CACNA1E: variants seen among roughly 807,000 people sequenced by gnomAD.
CACNA1E encodes the protein voltage-dependent R-type calcium channel subunit alpha-1E.
Under a neutral mutation model 259.2 loss-of-function variants are expected in CACNA1E, and 40 were observed. The observed-to-expected ratio is 0.15, with a 90% CI of 0.12 to 0.20. CACNA1E has a LOEUF of 0.20. CACNA1E is among the 10% of genes least tolerant of loss of function. The pLI, the probability that CACNA1E is intolerant of heterozygous loss-of-function variation, is 1.00. For missense variants in CACNA1E, 1,874 were observed against 3,040.1 expected, an observed-to-expected ratio of 0.62 and a Z score of 9.02; for synonymous variants, 1,104 against 1,138.5, an observed-to-expected ratio of 0.97 and a Z score of 0.61.
At chr1:181,471,354 G>C (rs1271855742) in intron 2 of CACNA1E, among the ~76,000 whole-genome samples, 1 of 152,124 alleles carries the variant, frequency 6.6e-6, no homozygotes. Flanking sequence ...GTGTAGTTCT[G>C]TGTGATCTTA....
chr1:181,613,549 G>A (rs944271434), intron 6 of CACNA1E, among the ~76,000 whole-genome samples: 10 of 152,192 alleles, frequency 6.6e-5, no homozygotes, highest in African/African-American at 2.4e-4. Flanking sequence ...TGAGGAGGAG[G>A]AGGTTCTTGT....
chr1:181,386,083 A>T (rs189852757), intron 1 of CACNA1E, among the ~76,000 whole-genome samples: 1 of 152,300 alleles, frequency 6.6e-6, no homozygotes, highest in East Asian at 1.9e-4. Context: ...TCATTCTTTC[A>T]TTTGTAAATC....
At chr1:181,406,910 G>C (rs1657504375) in intron 1 of CACNA1E, among the ~76,000 whole-genome samples, 1 of 152,104 alleles carries the variant, frequency 6.6e-6, no homozygotes, top group East Asian at 1.9e-4. Flanking sequence ...TGTAGGGCAG[G>C]TTATATTATT....
intron 1 of CACNA1E, among the ~76,000 whole-genome samples, chr1:181,498,541 TTC>T (rs1338015692): frequency 6.6e-6 from 1 of 152,206 alleles, no homozygotes; most frequent in Non-Finnish European, 1.5e-5. Context: ...CAAAAATGGC[TTC>T]TCTCAGTTGT....
intron 1 of CACNA1E, among the ~76,000 whole-genome samples, chr1:181,406,528 C>T (rs1012490104): frequency 6.6e-5 from 10 of 151,910 alleles, no homozygotes; most frequent in East Asian, 1.9e-4. Flanking sequence ...CCTGAGTAGC[C>T]GGGATTACAG....
At chr1:181,453,823 A>G (rs1661299432) in intron 2 of CACNA1E, among the ~76,000 whole-genome samples, 1 of 152,164 alleles carries the variant, frequency 6.6e-6, no homozygotes, top group South Asian at 2.1e-4. Context: ...CACGTATTTC[A>G]GTTGTATGCT....
intron 3 of CACNA1E, among the ~76,000 whole-genome samples, chr1:181,568,261 A>C (rs1572234828): frequency 6.6e-6 from 1 of 152,164 alleles, no homozygotes; most frequent in Non-Finnish European, 1.5e-5. Context: ...GCATGTTGTC[A>C]GGGAAGGCTG....
At chr1:181,437,871 A>G (rs1402750978) in intron 2 of CACNA1E, among the ~76,000 whole-genome samples, 1 of 152,204 alleles carries the variant, frequency 6.6e-6, no homozygotes, top group Non-Finnish European at 1.5e-5. Context: ...TCCCACATTT[A>G]TAGATTCAGC....
chr1:181,519,960 A>G (rs1237738605), intron 3 of CACNA1E, among the ~76,000 whole-genome samples: 2 of 152,016 alleles, frequency 1.3e-5, no homozygotes, highest in African/African-American at 2.4e-5. Context: ...GCTTTCCTTT[A>G]TGAAACTTCA....
chr1:181,560,931 A>C (rs1051690414), intron 3 of CACNA1E, among the ~76,000 whole-genome samples: 1 of 152,252 alleles, frequency 6.6e-6, no homozygotes, highest in South Asian at 2.1e-4. Flanking sequence ...GGCCTGACAC[A>C]TGCTACAGCA....
intron 37 of CACNA1E, 57 bp downstream of exon 37, chr1:181,772,288 C>A: frequency 6.5e-7 from 1 of 1,531,442 alleles, no homozygotes. Context: ...TACCCCTAAC[C>A]CTCTGATACA....
intron 2 of CACNA1E, among the ~76,000 whole-genome samples, chr1:181,425,350 C>T (rs565041135): frequency 1.3e-5 from 2 of 152,230 alleles, no homozygotes; most frequent in South Asian, 4.1e-4. Context: ...TCTTTAAGGG[C>T]TTGCCTGGAC....
At chr1:181,695,298 ATC>A (rs1651586564) in intron 7 of CACNA1E, among the ~76,000 whole-genome samples, 2 of 152,240 alleles carry the variant, frequency 1.3e-5, no homozygotes, top group Non-Finnish European at 2.9e-5. Flanking sequence ...GATATCCATT[ATC>A]TCTAAATCAA....
intron 1 of CACNA1E, among the ~76,000 whole-genome samples, chr1:181,501,896 T>TTTTTG (rs1665276844): frequency 1.3e-5 from 2 of 152,154 alleles, no homozygotes; most frequent in Admixed American, 6.5e-5. Flanking sequence ...ACATGATACA[T>TTTTTG]TTTTGTTTTG....
intron 2 of CACNA1E, among the ~76,000 whole-genome samples, chr1:181,464,559 T>G (rs75794948): frequency 0.039 from 5,988 of 151,874 alleles, 265 homozygotes; most frequent in African/African-American, 0.11. Flanking sequence ...ACTGATTTCA[T>G]GTCCACCATC....
rs1558411286 is a variant in CACNA1E, at chr1:181,800,188, G to GTGA, written c.*1356_*1358dup. On this transcript the variant is annotated 3_prime_UTR_variant, in exon 48 of 48. Transcript: ENST00000367573. ...GGTCAGTTTGTCAGGATGCTTTAAG[G>GTGA]TGATTAGTAAATATACCTCAGCTTA... is the stretch of plus-strand genomic sequence containing the variant. 1.3e-5 allele frequency: 2 copies of GTGA among 152,746 alleles called. No homozygotes were observed. Among genetic ancestry groups the GTGA allele is most frequent in the Non-Finnish European group, 1.5e-5 (1 of 68,136 alleles). 9.5% of individuals were successfully genotyped at this position (152,746 alleles called of 1,614,324 possible). A position where few individuals can be genotyped will look rare whatever the true frequency, so the allele number is the denominator to read the frequency against.
chr1:181,776,443 G>A lies in CACNA1E; in HGVS notation c.5267+215G>A, dbSNP rs1659982792. On this transcript the variant is annotated intron_variant, in intron 38 of 47. Coordinates refer to ENST00000367573, the MANE Select transcript of CACNA1E (RefSeq NM_001205293.3). This position sits in a 1 kb window ranked among gnomAD's most constrained non-coding sequence, Gnocchi z 4.4. Reference sequence around the variant, plus strand: ...TCCCCTCTCTTTCCTTCTGTGACAGGGTTTTCCCTTTGTGGGCTGGTCTCA... The same window carrying A: ...TCCCCTCTCTTTCCTTCTGTGACAGAGTTTTCCCTTTGTGGGCTGGTCTCA... 1.9e-6 allele frequency: 1 copy of A among 534,392 alleles called. No homozygotes were observed. Among genetic ancestry groups the A allele is most frequent in the Middle Eastern group, 3.1e-4 (1 of 3,188 alleles). The allele number at this position is 534,392 out of a possible 1,614,324, so 33.1% of individuals were successfully genotyped here.
chr1:181,490,972 G>C (rs1313850089), intron 1 of CACNA1E, among the ~76,000 whole-genome samples: 7 of 152,174 alleles, frequency 4.6e-5, no homozygotes, highest in African/African-American at 1.7e-4. Context: ...ACCAGCACTA[G>C]GAGGAAAATT....
chr1:181,594,953 T>C (rs6424818), intron 6 of CACNA1E, among the ~76,000 whole-genome samples: 126,070 of 152,180 alleles, frequency 0.83, 54,079 homozygotes, highest in East Asian at 0.98. Flanking sequence ...ATTTCTATTA[T>C]TGAGATTTAC....
Sources: allele counts gnomAD v4.1 joint callset (sites outside exome capture counted in the v4.1 genomes callset), GRCh38; gene constraint gnomAD v4.1.1; non-coding constraint Gnocchi (gnomAD v3.1); transcripts MANE v1.5; gene names NCBI Gene and HGNC (gene_info 2026-07-23, HGNC 2026-07-21).